Variants in SERPINI1 observed in about 807,000 individuals in gnomAD.
SERPINI1 encodes the protein serpin family I member 1, also known as neuroserpin.
Under a neutral mutation model 41.1 loss-of-function variants are expected in SERPINI1, and 19 were observed. That is an observed-to-expected ratio of 0.46 (90% CI 0.32 to 0.68). SERPINI1 has a LOEUF of 0.68. Ranked by LOEUF, SERPINI1 falls within the 30% of genes least tolerant of loss-of-function variation. SERPINI1 has a pLI of 0.03. For missense variants in SERPINI1, 460 were observed against 479.2 expected, an observed-to-expected ratio of 0.96 and a Z score of 0.37; for synonymous variants, 138 against 156.6, an observed-to-expected ratio of 0.88 and a Z score of 0.89.
chr3:167,751,882 T>C (rs994690812), intron 1 of SERPINI1, among the ~76,000 whole-genome samples: 7 of 152,154 alleles, frequency 4.6e-5, no homozygotes, highest in African/African-American at 1.7e-4. Flanking sequence ...TTGTTTCAAA[T>C]TGTGTTGTAT....
chr3:167,782,685 G>A (rs1727176243), intron 1 of SERPINI1, among the ~76,000 whole-genome samples: 1 of 152,176 alleles, frequency 6.6e-6, no homozygotes. Context: ...TGCTATTGGA[G>A]AGGTAGAGAT....
At chr3:167,744,389 A>G (rs1387212658) in intron 1 of SERPINI1, among the ~76,000 whole-genome samples, 1 of 151,348 alleles carries the variant, frequency 6.6e-6, no homozygotes, top group East Asian at 1.9e-4. Flanking sequence ...TTTTACTCAA[A>G]TAGGGATTTG....
chr3:167,750,605 TG>T (rs1299961381), intron 1 of SERPINI1, among the ~76,000 whole-genome samples: 2 of 152,314 alleles, frequency 1.3e-5, no homozygotes, highest in African/African-American at 4.8e-5. Context: ...AACTTTTTAC[TG>T]TGACCTAAGC....
intron 1 of SERPINI1, among the ~76,000 whole-genome samples, chr3:167,777,022 C>A (rs961837048): frequency 1.3e-5 from 2 of 152,274 alleles, no homozygotes; most frequent in Non-Finnish European, 2.9e-5. Flanking sequence ...TAAAATTCCT[C>A]ATCTTGCCCA....
At chr3:167,801,423 AT>A (rs1238809040) in intron 5 of SERPINI1, among the ~76,000 whole-genome samples, 3 of 150,616 alleles carry the variant, frequency 2.0e-5, no homozygotes, top group Admixed American at 6.6e-5. Context: ...TCTACTTCTA[AT>A]TTTTTTTTTA....
At chr3:167,818,844 G>A (rs1163445376) in intron 6 of SERPINI1, among the ~76,000 whole-genome samples, 1 of 152,174 alleles carries the variant, frequency 6.6e-6, no homozygotes, top group East Asian at 1.9e-4. Flanking sequence ...AGCTGGTCAA[G>A]CCTCATAGCT....
chr3:167,814,332 G>A (rs1192679665), intron 6 of SERPINI1, among the ~76,000 whole-genome samples: 1 of 152,062 alleles, frequency 6.6e-6, no homozygotes, highest in Non-Finnish European at 1.5e-5. Context: ...AATGTTTGCT[G>A]GTTTTGTAAA....
At chr3:167,797,345 T>G (rs1727748809) in intron 5 of SERPINI1, among the ~76,000 whole-genome samples, 1 of 152,200 alleles carries the variant, frequency 6.6e-6, no homozygotes, top group Non-Finnish European at 1.5e-5. Context: ...GCTCTTTAAT[T>G]TAATTAAATC....
At chr3:167,744,880 T>G (rs1725819666) in intron 1 of SERPINI1, among the ~76,000 whole-genome samples, 1 of 138,116 alleles carries the variant, frequency 7.2e-6, no homozygotes. Flanking sequence ...TATATATATA[T>G]CAACTGAATA....
At chr3:167,785,114 G>T (rs1302527474) in intron 1 of SERPINI1, among the ~76,000 whole-genome samples, 2 of 152,040 alleles carry the variant, frequency 1.3e-5, no homozygotes, top group Admixed American at 6.6e-5. Context: ...GGTGGCATGC[G>T]CCTGTAGTAG....
chr3:167,778,961 T>C (rs1025767659), intron 1 of SERPINI1, among the ~76,000 whole-genome samples: 3 of 152,242 alleles, frequency 2.0e-5, no homozygotes, highest in African/African-American at 7.2e-5. Flanking sequence ...TTCATCCTGC[T>C]ACGATAATCT....
intron 7 of SERPINI1, among the ~76,000 whole-genome samples, chr3:167,824,112 T>TC (rs1712437562): frequency 6.6e-6 from 1 of 152,140 alleles, no homozygotes; most frequent in South Asian, 2.1e-4. Context: ...TTCTTTATTC[T>TC]CCCCCTTCCT....
chr3:167,773,901 A>G (rs1552745), intron 1 of SERPINI1, among the ~76,000 whole-genome samples: 67,905 of 151,984 alleles, frequency 0.45, 16,043 homozygotes, highest in African/African-American at 0.61. Flanking sequence ...AGTAACGTAC[A>G]TAACTTAATT....
At chr3:167,801,295 G>T (rs549277540) in intron 5 of SERPINI1, among the ~76,000 whole-genome samples, 2 of 152,288 alleles carry the variant, frequency 1.3e-5, no homozygotes, top group Non-Finnish European at 2.9e-5. Flanking sequence ...AACTTATTCA[G>T]GTAGAAAGTT....
chr3:167,762,503 G>A (rs1245581173), intron 1 of SERPINI1, among the ~76,000 whole-genome samples: 5 of 152,164 alleles, frequency 3.3e-5, no homozygotes, highest in African/African-American at 9.6e-5. Context: ...AGTCTAATGA[G>A]GCTTTCAGTT....
At chr3:167,817,636 C>T (rs7637901) in intron 6 of SERPINI1, among the ~76,000 whole-genome samples, 45,941 of 151,562 alleles carry the variant, frequency 0.3, 8,799 homozygotes, top group African/African-American at 0.55. Flanking sequence ...CATGCACTGT[C>T]GCCCAGGCTC....
In SERPINI1 at chr3:167,757,510, T is replaced by TCACACA. The variant is rs143893182; in HGVS notation, c.-19+21704_-19+21709dup. Reference sequence around the variant, plus strand: ...TCAATTAGTGAGATCTCTCTCTCTCTCACACACACACACACACACACAAAA... The same window carrying TCACACA: ...TCAATTAGTGAGATCTCTCTCTCTCTCACACACACACACACACACACACACACAAAA... On this transcript the variant is annotated intron_variant, in intron 1 of 8. Transcript: ENST00000446050. 3.5e-3 allele frequency among the ~76,000 whole-genome samples: 528 copies of TCACACA among 149,546 alleles called. 4 individuals are homozygous for TCACACA. The highest frequency in any genetic ancestry group is 0.012 in the African/African-American group (485 of 40,798).
intron 5 of SERPINI1, among the ~76,000 whole-genome samples, chr3:167,799,869 C>T (rs1727846407): frequency 6.6e-6 from 1 of 152,112 alleles, no homozygotes; most frequent in South Asian, 2.1e-4. Context: ...TGTTCATATC[C>T]TTTGCCCACT....
chr3:167,740,724 G>T (rs1269224466), intron 1 of SERPINI1, among the ~76,000 whole-genome samples: 1 of 152,096 alleles, frequency 6.6e-6, no homozygotes, highest in African/African-American at 2.4e-5. Context: ...GCTTGTGTGC[G>T]TGTGTGTGTG....
Sources: gnomAD v4.1 joint callset for allele counts (sites outside exome capture counted in the v4.1 genomes callset) on GRCh38, gnomAD v4.1.1 for gene constraint, MANE v1.5 for transcripts, NCBI Gene and HGNC (gene_info 2026-07-23, HGNC 2026-07-21) for gene names.